The following CCDC171 variants were observed in gnomAD, a reference collection of about 807,000 sequenced individuals.
CCDC171 encodes the protein coiled-coil domain containing 171.
A neutral mutation model predicts 168.2 loss-of-function variants in CCDC171; 177 were observed. That is an observed-to-expected ratio of 1.05 (90% CI 0.93 to 1.19). The LOEUF (loss-of-function observed/expected upper bound fraction) is 1.19, where lower values mean the gene tolerates loss of function less well. Among genes scored for constraint, CCDC171 ranks in the 50% most tolerant of loss-of-function variants. The pLI, the probability that CCDC171 is intolerant of heterozygous loss-of-function variation, is 0.00. For missense variants in CCDC171, 1,991 were observed against 1,539.0 expected (o/e 1.29, Z -4.91); for synonymous variants, 687 against 540.8 (o/e 1.27, Z -3.75).
intron 21 of CCDC171, among the ~76,000 whole-genome samples, chr9:15,835,849 C>T (rs1320389291): frequency 6.6e-6 from 1 of 151,988 alleles, no homozygotes; most frequent in African/African-American, 2.4e-5. Context: ...TTTAAGTGTA[C>T]CTATTTACAT....
chr9:15,761,897 G>A (rs887027413), intron 18 of CCDC171, among the ~76,000 whole-genome samples: 2 of 152,094 alleles, frequency 1.3e-5, no homozygotes, highest in Admixed American at 1.3e-4. Context: ...GAGTTTTACA[G>A]TGAACAGATA....
At chr9:16,081,074 G>A in the CCDC171 span, among the ~76,000 whole-genome samples, 8 of 152,128 alleles carry the variant, frequency 5.3e-5, no homozygotes, top group African/African-American at 7.2e-5. Flanking sequence ...TCCTTCCTGC[G>A]AGTAGCGGGC....
In CCDC171 at chr9:15,884,073, G is replaced by T. The variant is rs944810188; in HGVS notation, c.3600+9410G>T. Among the ~76,000 whole-genome samples the T allele has an allele frequency of 1.5e-4, 23 of 152,098 alleles. 1 individual carries two copies. Among genetic ancestry groups the T allele is most frequent in the African/African-American group, 5.6e-4 (23 of 41,406 alleles). ...TTGTGTGTATGTGGAATACAACATT[G>T]TCTTTTCTTGTGAAGGATGAGTATG... On this transcript the variant is annotated intron_variant, in intron 24 of 25. Transcript: ENST00000380701.
At chr9:15,914,695 GA>G (rs71325948) in intron 24 of CCDC171, among the ~76,000 whole-genome samples, 113,158 of 151,324 alleles carry the variant, frequency 0.75, 43,878 homozygotes, top group East Asian at 0.85. Context: ...AATGGGGTAT[GA>G]AAAAAAAACT....
At chr9:15,645,290 A>G (rs540557434) in intron 7 of CCDC171, among the ~76,000 whole-genome samples, 1 of 152,288 alleles carries the variant, frequency 6.6e-6, no homozygotes, top group Non-Finnish European at 1.5e-5. Context: ...GATGGGGAAA[A>G]AACAGAGCAG....
At chr9:15,860,259 T>C (rs1275940686) in intron 23 of CCDC171, among the ~76,000 whole-genome samples, 3 of 151,884 alleles carry the variant, frequency 2.0e-5, no homozygotes, top group South Asian at 2.1e-4. Flanking sequence ...TTCTGTTCTT[T>C]ATTCTTTTCC....
rs1398053635 is a variant in CCDC171 at position 15,821,241 on chromosome 9, A to G, written c.3268-25461A>G. The stretch of plus-strand genomic sequence containing the variant: ...CCACACCCAGTATCATACTGAATGG[A>G]CAAAAACTGGAAGCATTCCCTTTGA... On this transcript the variant is annotated intron_variant, in intron 21 of 25. Transcript: ENST00000380701. 2.6e-5 allele frequency among the ~76,000 whole-genome samples: 3 copies of G among 117,400 alleles called. 1 individual carries two copies. Among genetic ancestry groups the G allele is most frequent in the African/African-American group, 6.4e-5 (2 of 31,260 alleles). The allele number at this position is 117,400 out of a possible 152,430, so 77.0% of individuals were successfully genotyped here.
At chr9:16,097,718 T>G in the CCDC171 span, among the ~76,000 whole-genome samples, 3 of 152,230 alleles carry the variant, frequency 2.0e-5, no homozygotes, top group Non-Finnish European at 4.4e-5. Flanking sequence ...TTGCTAAGAC[T>G]GCCCTGGGTT....
At chr9:15,712,175 C>T (rs960541012) in intron 11 of CCDC171, among the ~76,000 whole-genome samples, 4 of 152,186 alleles carry the variant, frequency 2.6e-5, no homozygotes, top group Admixed American at 2.0e-4. Flanking sequence ...TTGGATGAAG[C>T]CCACTCAAGT....
chr9:15,936,429 A>T (rs1227576695), intron 25 of CCDC171, among the ~76,000 whole-genome samples: 9 of 151,976 alleles, frequency 5.9e-5, no homozygotes. Flanking sequence ...CAGAACACAC[A>T]GAGAGCCAGT....
At chr9:15,857,057 A>G (rs1363006851) in intron 23 of CCDC171, among the ~76,000 whole-genome samples, 1 of 151,930 alleles carries the variant, frequency 6.6e-6, no homozygotes, top group African/African-American at 2.4e-5. Context: ...AAATGAGGTT[A>G]TTAGTTTCTT....
chr9:15,578,011 C>G (rs1480514835), intron 3 of CCDC171, among the ~76,000 whole-genome samples: 1 of 152,142 alleles, frequency 6.6e-6, no homozygotes, highest in Non-Finnish European at 1.5e-5. Flanking sequence ...GATATTCGTT[C>G]ATTTAAATCC....
chr9:15,953,353 T>G (rs1829425407), intron 25 of CCDC171, among the ~76,000 whole-genome samples: 1 of 152,192 alleles, frequency 6.6e-6, no homozygotes, highest in Admixed American at 6.5e-5. Context: ...GGTGATTTCC[T>G]TCTATTCCTA....
chr9:15,580,640 C>T (rs1234649961), intron 4 of CCDC171, among the ~76,000 whole-genome samples: 15 of 151,914 alleles, frequency 9.9e-5, no homozygotes, highest in Admixed American at 9.2e-4. Context: ...TGTTCAATAT[C>T]ACTAATTATC....
intron 21 of CCDC171, among the ~76,000 whole-genome samples, chr9:15,844,367 T>C (rs1044023480): frequency 2.6e-5 from 4 of 151,954 alleles, no homozygotes; most frequent in Admixed American, 2.6e-4. Flanking sequence ...TAAAGCTCAG[T>C]GTTAGGATTT....
At chr9:15,714,224 G>A (rs1448923791) in intron 11 of CCDC171, among the ~76,000 whole-genome samples, 1 of 152,110 alleles carries the variant, frequency 6.6e-6, no homozygotes, top group Non-Finnish European at 1.5e-5. Flanking sequence ...TGCCAGGAGT[G>A]TGGCATTACT....
At chr9:15,881,910 A>G (rs1037148708) in intron 24 of CCDC171, among the ~76,000 whole-genome samples, 2 of 152,198 alleles carry the variant, frequency 1.3e-5, no homozygotes, top group African/African-American at 4.8e-5. Context: ...CAGTAAAAAT[A>G]GGAGTACAGA....
chr9:16,054,772 G>T (rs1230408101), intron 1 of CCDC171, among the ~76,000 whole-genome samples: 1 of 152,218 alleles, frequency 6.6e-6, no homozygotes, highest in African/African-American at 2.4e-5. Flanking sequence ...TCTCAGGGAA[G>T]TGTTATTGGC....
intron 3 of CCDC171, among the ~76,000 whole-genome samples, chr9:16,007,271 A>T (rs1313804166): frequency 6.6e-6 from 1 of 151,776 alleles, no homozygotes; most frequent in Non-Finnish European, 1.5e-5. Flanking sequence ...CCACTTTTGG[A>T]TGGGGTTGTT....
Sources: allele counts gnomAD v4.1 joint callset (sites outside exome capture counted in the v4.1 genomes callset), GRCh38; gene constraint gnomAD v4.1.1; transcripts MANE v1.5; gene names NCBI Gene and HGNC (gene_info 2026-07-23, HGNC 2026-07-21).